Variants in CAMK1D observed in about 807,000 individuals in gnomAD.
CAMK1D encodes calcium/calmodulin-dependent protein kinase type 1D.
CAMK1D carries 9 observed loss-of-function variants against 47.7 expected under a neutral mutation model. The observed-to-expected ratio is 0.19, with a 90% CI of 0.11 to 0.33. CAMK1D has a LOEUF of 0.33. Among genes scored for constraint, CAMK1D ranks in the 10% least tolerant of loss-of-function variants. CAMK1D has a pLI of 1.00. For missense variants in CAMK1D, 291 were observed against 488.7 expected (o/e 0.60, Z 3.81); for synonymous variants, 184 against 184.9 (o/e 0.99, Z 0.04).
intron 2 of CAMK1D, among the ~76,000 whole-genome samples, chr10:12,656,702 C>G (rs1840126017): frequency 1.3e-5 from 2 of 152,130 alleles, no homozygotes. Context: ...CCTTAGTTGC[C>G]CATTGAGTAT....
At chr10:12,803,255 T>C (rs559453966) in intron 6 of CAMK1D, among the ~76,000 whole-genome samples, 1 of 152,366 alleles carries the variant, frequency 6.6e-6, no homozygotes, top group South Asian at 2.1e-4. Context: ...TTCTCTATTG[T>C]AGAAAAGTAA....
At chr10:12,744,022 C>CAA (rs60844942) in intron 3 of CAMK1D, among the ~76,000 whole-genome samples, 2 of 99,826 alleles carry the variant, frequency 2.0e-5, no homozygotes, top group African/African-American at 2.9e-5. Flanking sequence ...GACTCCGTTT[C>CAA]AAAAAAAAAA....
intron 1 of CAMK1D, among the ~76,000 whole-genome samples, chr10:12,488,531 G>A (rs1834282364): frequency 6.6e-6 from 1 of 152,138 alleles, no homozygotes. Context: ...TGGGATGGGG[G>A]ATGGTTTCGG....
At chr10:12,471,147 G>A (rs1041056285) in intron 1 of CAMK1D, among the ~76,000 whole-genome samples, 3 of 152,108 alleles carry the variant, frequency 2.0e-5, no homozygotes, top group Admixed American at 6.5e-5. Flanking sequence ...AGGCTGAGTG[G>A]CCACTACTGG....
At chr10:12,797,161 C>A (rs1838231210) in intron 6 of CAMK1D, among the ~76,000 whole-genome samples, 2 of 150,108 alleles carry the variant, frequency 1.3e-5, no homozygotes, top group Non-Finnish European at 3.0e-5. Flanking sequence ...CTGAGCAGCT[C>A]TTTCTCTTGG....
At chr10:12,717,462 C>T (rs1203876531) in intron 3 of CAMK1D, among the ~76,000 whole-genome samples, 1 of 152,098 alleles carries the variant, frequency 6.6e-6, no homozygotes, top group Non-Finnish European at 1.5e-5. Flanking sequence ...GCCTCTTACT[C>T]AAGGCCACTA....
intron 2 of CAMK1D, among the ~76,000 whole-genome samples, chr10:12,620,150 G>A (rs976788606): frequency 7.9e-5 from 10 of 126,124 alleles, no homozygotes; most frequent in African/African-American, 2.8e-4. Flanking sequence ...TCTGCAGTCC[G>A]CAGTCCGGCC....
intron 2 of CAMK1D, among the ~76,000 whole-genome samples, chr10:12,585,259 G>A (rs376567842): frequency 5.9e-5 from 9 of 152,170 alleles, no homozygotes; most frequent in Admixed American, 2.0e-4. Context: ...GCTGGGCCCC[G>A]TCCCCAGATG....
chr10:12,583,611 T>A (rs541037048), intron 2 of CAMK1D, among the ~76,000 whole-genome samples: 3 of 151,198 alleles, frequency 2.0e-5, no homozygotes, highest in South Asian at 2.1e-4. Flanking sequence ...TTTTATTTTT[T>A]TTTTTTTTTG....
chr10:12,461,585 A>G (rs1179063724), intron 1 of CAMK1D, among the ~76,000 whole-genome samples: 1 of 149,082 alleles, frequency 6.7e-6, no homozygotes, highest in East Asian at 2.0e-4. Flanking sequence ...GCTACTCCGG[A>G]GGCTGAGGCA....
At chr10:12,797,512 T>C (rs1838248646) in intron 6 of CAMK1D, among the ~76,000 whole-genome samples, 1 of 152,216 alleles carries the variant, frequency 6.6e-6, no homozygotes, top group South Asian at 2.1e-4. Context: ...CAGCCCCTAC[T>C]GACCAGTTCT....
intron 1 of CAMK1D, among the ~76,000 whole-genome samples, chr10:12,476,469 G>A (rs571519582): frequency 6.6e-6 from 1 of 152,046 alleles, no homozygotes; most frequent in Admixed American, 6.6e-5. Context: ...ACGATCTGCA[G>A]GGTAAAGATA....
chr10:12,805,920 A>C (rs1029065048), intron 6 of CAMK1D, among the ~76,000 whole-genome samples: 1 of 152,226 alleles, frequency 6.6e-6, no homozygotes, highest in Non-Finnish European at 1.5e-5. Flanking sequence ...CAGAGAAGAC[A>C]ATGGGACATA....
At chr10:12,637,892 G>A (rs773138917) in intron 2 of CAMK1D, among the ~76,000 whole-genome samples, 1 of 152,202 alleles carries the variant, frequency 6.6e-6, no homozygotes, top group Non-Finnish European at 1.5e-5. Context: ...AGAGGCACAA[G>A]CTGGCTTCTC....
chr10:12,683,377 C>T (rs117458153), intron 3 of CAMK1D, among the ~76,000 whole-genome samples: 207 of 152,182 alleles, frequency 1.4e-3, no homozygotes, highest in Non-Finnish European at 2.1e-3. Context: ...TAAGCCACTG[C>T]ACCTGGCCAT....
At chr10:12,673,620 A>G (rs1364139140) in intron 3 of CAMK1D, among the ~76,000 whole-genome samples, 1 of 152,220 alleles carries the variant, frequency 6.6e-6, no homozygotes. Context: ...CTATTTGGTA[A>G]AACTTTGATA....
chr10:12,550,562 C>T (rs1191944929), intron 1 of CAMK1D, among the ~76,000 whole-genome samples: 6 of 152,168 alleles, frequency 3.9e-5, no homozygotes, highest in African/African-American at 4.8e-5. Context: ...TGGCCATGGC[C>T]GGTGTCACTG....
intron 1 of CAMK1D, among the ~76,000 whole-genome samples, chr10:12,506,179 G>A (rs1035818385): frequency 6.6e-6 from 1 of 152,182 alleles, no homozygotes; most frequent in African/African-American, 2.4e-5. Context: ...AGCACTTTGG[G>A]AGGCTGAGGT....
chr10:12,453,275 C>T (rs1353979864), intron 1 of CAMK1D, among the ~76,000 whole-genome samples: 2 of 151,452 alleles, frequency 1.3e-5, no homozygotes, highest in Non-Finnish European at 2.9e-5. Flanking sequence ...CTGCAAGCTC[C>T]GCCTCCTGGG....
Sources: gnomAD v4.1 joint callset for allele counts (sites outside exome capture counted in the v4.1 genomes callset) on GRCh38, gnomAD v4.1.1 for gene constraint, MANE v1.5 for transcripts, NCBI Gene and HGNC (gene_info 2026-07-23, HGNC 2026-07-21) for gene names.